Variants in PRSS38 observed in about 807,000 individuals in gnomAD.
PRSS38 encodes the protein serine protease 38.
In PRSS38, 22 loss-of-function variants were observed where a neutral mutation model predicts 26.8. That is an observed-to-expected ratio of 0.82 (90% CI 0.59 to 1.17). The LOEUF is 1.17. PRSS38 is among the 50% of genes most tolerant of loss of function. The pLI is 0.00. For missense variants in PRSS38, 427 were observed against 422.7 expected (o/e 1.01, Z -0.09); for synonymous variants, 175 against 172.1 (o/e 1.02, Z -0.13).
At chr1:227,840,984 C>T (rs1344246282) in intron 3 of PRSS38, among the ~76,000 whole-genome samples, 2 of 152,198 alleles carry the variant, frequency 1.3e-5, no homozygotes, top group African/African-American at 2.4e-5. Context: ...ACCAAGACGA[C>T]GTTTTTGGTA....
intron 3 of PRSS38, among the ~76,000 whole-genome samples, chr1:227,841,915 T>G (rs114237274): frequency 0.015 from 2,271 of 152,300 alleles, 34 homozygotes; most frequent in South Asian, 0.054. Flanking sequence ...AGAAGCATGG[T>G]GCTGGCATCT....
chr1:227,833,620 G>A (rs992971911), intron 3 of PRSS38, among the ~76,000 whole-genome samples: 1 of 152,128 alleles, frequency 6.6e-6, no homozygotes, highest in Admixed American at 6.5e-5. Flanking sequence ...TATGGCATAA[G>A]GAGAGATATA....
At chr1:227,816,000 T>G in intron 1 of PRSS38, 90 bp from the exon 2 acceptor site, 1 of 1,480,038 alleles carries the variant, frequency 6.8e-7, no homozygotes, top group Non-Finnish European at 9.2e-7. Flanking sequence ...CTTCCTCCTG[T>G]GTCCCCTGCC....
chr1:227,817,787 T>C (rs1664945416), intron 3 of PRSS38, among the ~76,000 whole-genome samples: 1 of 152,252 alleles, frequency 6.6e-6, no homozygotes, highest in South Asian at 2.1e-4. Context: ...TTTTAGCTTA[T>C]CTAAAAACCG....
At chr1:227,819,662 A>T (rs1266498279) in intron 3 of PRSS38, among the ~76,000 whole-genome samples, 2 of 152,208 alleles carry the variant, frequency 1.3e-5, no homozygotes, top group African/African-American at 2.4e-5. Flanking sequence ...TGATTTATAG[A>T]TTCGAGTATG....
chr1:227,815,775 T>G (rs760201016), exon 1 of PRSS38: 2 of 1,611,866 alleles, frequency 1.2e-6, no homozygotes, highest in African/African-American at 1.3e-5. Flanking sequence ...GGCCTTCTGC[T>G]GCTGCTCCTG....
intron 3 of PRSS38, among the ~76,000 whole-genome samples, chr1:227,825,020 G>A (rs1323130046): frequency 6.6e-6 from 1 of 152,062 alleles, no homozygotes; most frequent in Non-Finnish European, 1.5e-5. Flanking sequence ...TCTGTAGGTT[G>A]TCTGTTCACT....
intron 2 of PRSS38, 152 bp from the exon 3 acceptor site, chr1:227,817,057 A>G: frequency 1.2e-6 from 1 of 821,610 alleles, no homozygotes; most frequent in Non-Finnish European, 1.9e-6. Flanking sequence ...ACTCTTCCAG[A>G]CAGCCAGATA....
At chr1:227,815,727 C>G in exon 1 of PRSS38, 1 of 1,591,988 alleles carries the variant, frequency 6.3e-7, no homozygotes. Flanking sequence ...ATGGCTGCCC[C>G]TGCTTCCGTC....
At chr1:227,826,165 T>C (rs1210720670) in intron 3 of PRSS38, among the ~76,000 whole-genome samples, 1 of 152,192 alleles carries the variant, frequency 6.6e-6, no homozygotes, top group Non-Finnish European at 1.5e-5. Flanking sequence ...AATTCATTCA[T>C]GATTTGGCTC....
chr1:227,816,141 C>A lies in PRSS38; in HGVS notation c.200C>A (p.Pro67His). 6.2e-7 allele frequency: 1 copy of A among 1,613,758 alleles called. No homozygotes were observed. Among genetic ancestry groups the A allele is most frequent in the Non-Finnish European group, 8.5e-7 (1 of 1,179,916 alleles). The change falls in exon 2 of 5, where the codon CCC becomes CAC. Residue 67 changes from proline (P) to histidine (H), a missense_variant. Transcript: ENST00000366757. The surrounding 1 kb of genome is among the most constrained non-coding windows in gnomAD (Gnocchi z 5.1). ...AAAATCCTGGGCGGCGTCCCTGCGC[C>A]CGAGAGGAAGTGGCCGTGGCAGGTC... is the stretch of plus-strand genomic sequence containing the variant.
At chr1:227,846,132 C>A in exon 5 of PRSS38, 3 of 1,614,048 alleles carry the variant, frequency 1.9e-6, no homozygotes, top group Middle Eastern at 1.7e-4. Flanking sequence ...GCTCAGCCAG[C>A]CCCTGCTCTC....
rs189564320 is a variant in PRSS38, at chr1:227,843,279, T to C, written c.584-2191T>C. Among the ~76,000 whole-genome samples the C allele has an allele frequency of 3.9e-5, 6 of 152,332 alleles. No homozygotes were observed. In the East Asian group the frequency reaches 5.8e-4, roughly 15 times the overall value. ...ACTGAAAAGTAGCCCTCATATTTAT[T>C]TGGGTCACTTAGATGATATTACATG... is the stretch of plus-strand genomic sequence containing the variant. On this transcript the variant is annotated intron_variant, in intron 3 of 4. Transcript: ENST00000366757.
chr1:227,840,439 G>C (rs1033705242), intron 3 of PRSS38, among the ~76,000 whole-genome samples: 15 of 152,026 alleles, frequency 9.9e-5, no homozygotes, highest in Non-Finnish European at 2.2e-4. Context: ...TAAATGGTTG[G>C]GGCGGAAAAG....
At chr1:227,820,424 G>T (rs999546649) in intron 3 of PRSS38, among the ~76,000 whole-genome samples, 1 of 152,060 alleles carries the variant, frequency 6.6e-6, no homozygotes, top group Non-Finnish European at 1.5e-5. Flanking sequence ...CATTGAATAT[G>T]ATGTTAGCTG....
intron 3 of PRSS38, among the ~76,000 whole-genome samples, chr1:227,843,523 A>G (rs1419201502): frequency 6.7e-6 from 1 of 149,166 alleles, no homozygotes; most frequent in Non-Finnish European, 1.5e-5. Context: ...ACCAACATGG[A>G]GAAACCCCGT....
chr1:227,841,833 G>A (rs985086884), intron 3 of PRSS38, among the ~76,000 whole-genome samples: 2 of 152,166 alleles, frequency 1.3e-5, no homozygotes, highest in East Asian at 1.9e-4. Context: ...TAGTCCATTT[G>A]TGTTGCTGTA....
intron 3 of PRSS38, among the ~76,000 whole-genome samples, chr1:227,838,159 C>A (rs186726508): frequency 4.3e-4 from 66 of 152,268 alleles, no homozygotes; most frequent in African/African-American, 1.6e-3. Context: ...CACATAGGGT[C>A]TTTTATATTC....
chr1:227,839,130 GC>G (rs1257065327), intron 3 of PRSS38, among the ~76,000 whole-genome samples: 1 of 152,170 alleles, frequency 6.6e-6, no homozygotes, highest in Non-Finnish European at 1.5e-5. Flanking sequence ...AGTCAGTGTT[GC>G]CTGAATGCTT....
Sources: gnomAD v4.1 joint callset for allele counts (sites outside exome capture counted in the v4.1 genomes callset) on GRCh38, gnomAD v4.1.1 for gene constraint, Gnocchi (gnomAD v3.1) non-coding constraint, MANE v1.5 for transcripts, NCBI Gene and HGNC (gene_info 2026-07-23, HGNC 2026-07-21) for gene names.